CMIP: variants seen among roughly 807,000 people sequenced by gnomAD.
CMIP encodes the protein C-Maf-inducing protein.
CMIP carries 13 observed loss-of-function variants against 97.3 expected under a neutral mutation model. That is an observed-to-expected ratio of 0.13 (90% confidence interval 0.09 to 0.21). The LOEUF (loss-of-function observed/expected upper bound fraction) is 0.21, where lower values mean the gene tolerates loss of function less well. CMIP is among the 10% of genes least tolerant of loss of function. The pLI is 1.00. For synonymous variants in CMIP, 538 were observed against 436.3 expected, an observed-to-expected ratio of 1.23 and a Z score of -2.91; for missense variants, 847 against 1,024.9, an observed-to-expected ratio of 0.83 and a Z score of 2.37.
intron 1 of CMIP, among the ~76,000 whole-genome samples, chr16:81,511,796 A>G (rs2089815687): frequency 6.6e-6 from 1 of 152,174 alleles, no homozygotes; most frequent in South Asian, 2.1e-4. Context: ...TCCTGGGCTC[A>G]AGTGATCTGC....
chr16:81,566,054 A>C (rs1418734937), intron 1 of CMIP, among the ~76,000 whole-genome samples: 1 of 152,212 alleles, frequency 6.6e-6, no homozygotes, highest in Non-Finnish European at 1.5e-5. Context: ...GAAATTGGGC[A>C]GCGGGGGACC....
intron 1 of CMIP, among the ~76,000 whole-genome samples, chr16:81,554,288 G>A (rs1238481522): frequency 1.3e-5 from 2 of 152,128 alleles, no homozygotes; most frequent in African/African-American, 4.8e-5. Flanking sequence ...TCTTCAAAAG[G>A]CACTTTAACC....
At chr16:81,500,033 C>T (rs1160821317) in intron 1 of CMIP, among the ~76,000 whole-genome samples, 1 of 152,222 alleles carries the variant, frequency 6.6e-6, no homozygotes, top group Non-Finnish European at 1.5e-5. Context: ...TGATGCAGAA[C>T]ATACCCAGTC....
intron 1 of CMIP, among the ~76,000 whole-genome samples, chr16:81,568,039 G>GTGTGTGTGTGTGTGTGTT (rs10629229): frequency 3.6e-5 from 3 of 82,546 alleles, no homozygotes; most frequent in African/African-American, 1.4e-4. Flanking sequence ...GTGTGTGTGT[G>GTGTGTGTGTGTGTGTGTT]TTTTTTTTTT....
intron 15 of CMIP, 147 bp from the exon 16 acceptor site, chr16:81,701,513 G>T (rs1038245365): frequency 2.8e-6 from 3 of 1,055,696 alleles, no homozygotes; most frequent in Non-Finnish European, 4.2e-6. Context: ...AGTTGGGCAG[G>T]TGATTTGCCC....
chr16:81,516,971 G>A (rs1018341079), intron 1 of CMIP, among the ~76,000 whole-genome samples: 37 of 151,912 alleles, frequency 2.4e-4, no homozygotes, highest in African/African-American at 8.5e-4. Context: ...GGTCTTCAGT[G>A]AAAAACCAGA....
At chr16:81,483,417 G>A (rs1411796879) in intron 1 of CMIP, among the ~76,000 whole-genome samples, 1 of 152,196 alleles carries the variant, frequency 6.6e-6, no homozygotes, top group Admixed American at 6.5e-5. Context: ...TGAGTCACTA[G>A]TGGGGTCAGA....
chr16:81,559,523 C>T (rs775396241), intron 1 of CMIP, among the ~76,000 whole-genome samples: 5 of 152,144 alleles, frequency 3.3e-5, no homozygotes, highest in African/African-American at 1.2e-4. Context: ...GTGACGTGGT[C>T]GGTGTGTGAT....
chr16:81,455,845 G>C (rs978820058), intron 1 of CMIP, among the ~76,000 whole-genome samples: 5 of 152,186 alleles, frequency 3.3e-5, no homozygotes, highest in Non-Finnish European at 7.4e-5. Context: ...AGGGAGGCCT[G>C]GTGGGAAGGC....
intron 11 of CMIP, among the ~76,000 whole-genome samples, chr16:81,692,185 G>A (rs967752455): frequency 1.2e-4 from 19 of 152,192 alleles, no homozygotes; most frequent in Admixed American, 5.9e-4. Context: ...GATGGGAACC[G>A]TAATACCTGC....
chr16:81,447,175 A>G (rs1006700342), intron 1 of CMIP, among the ~76,000 whole-genome samples: 4 of 150,646 alleles, frequency 2.7e-5, no homozygotes, highest in African/African-American at 9.8e-5. Flanking sequence ...CCCTGCCTGG[A>G]TTCTGGAGAC....
chr16:81,508,024 A>G (rs967845039), intron 1 of CMIP, among the ~76,000 whole-genome samples: 4 of 152,234 alleles, frequency 2.6e-5, no homozygotes, highest in Non-Finnish European at 4.4e-5. Context: ...CTATCCACCC[A>G]TGCTTAACGG....
At chr16:81,492,560 CGGCTGGGCCTTGCTAGCAG>C (rs1413164769) in intron 1 of CMIP, among the ~76,000 whole-genome samples, 1 of 151,830 alleles carries the variant, frequency 6.6e-6, no homozygotes, top group East Asian at 1.9e-4. Flanking sequence ...GTGTGCTGGC[CGGCTGGGCCTTGCTAGCAG>C]GGCCGGGCCT....
rs796952556 is a variant in CMIP, at chr16:81,655,819, C to T, written c.640-1956C>T. Among the ~76,000 whole-genome samples, 4 of 152,268 alleles carry T rather than the reference C, an allele frequency of 2.6e-5. No homozygotes were observed. Among genetic ancestry groups the T allele is most frequent in the African/African-American group, 9.6e-5 (4 of 41,558 alleles). Reference sequence around the variant, plus strand: ...CCCCTATTACCCTGCGCCTGCTAGTCACTGCATCCCGTCAGTCTTAGGCAG... The same window carrying T: ...CCCCTATTACCCTGCGCCTGCTAGTTACTGCATCCCGTCAGTCTTAGGCAG... On this transcript the variant is annotated intron_variant, in intron 4 of 20. Transcript: ENST00000537098. The surrounding 1 kb of genome is among the most constrained non-coding windows in gnomAD (Gnocchi z 4.9).
In CMIP at chr16:81,453,545, C is replaced by G. The variant is rs548099853; in HGVS notation, c.300+8004C>G. On this transcript the variant is annotated intron_variant, in intron 1 of 20. Coordinates refer to ENST00000537098, the MANE Select transcript of CMIP (RefSeq NM_198390.3). The surrounding 1 kb of genome is among the most constrained non-coding windows in gnomAD (Gnocchi z 4.0). Reference sequence around the variant, plus strand: ...AGACCCAGGCCTGGCTCTCCTCCCTCGCATGTTGGCTCCCTGTGTGGACTA... The same window carrying G: ...AGACCCAGGCCTGGCTCTCCTCCCTGGCATGTTGGCTCCCTGTGTGGACTA... 9.2e-5 allele frequency among the ~76,000 whole-genome samples: 14 copies of G among 152,326 alleles called. No homozygotes were observed. Among genetic ancestry groups the G allele is most frequent in the African/African-American group, 3.1e-4 (13 of 41,570 alleles).
At chr16:81,548,700 G>C (rs1403746719) in intron 1 of CMIP, among the ~76,000 whole-genome samples, 1 of 151,064 alleles carries the variant, frequency 6.6e-6, no homozygotes, top group Admixed American at 6.6e-5. Context: ...AAAAAAAAAA[G>C]CCAGGCATGG....
intron 1 of CMIP, among the ~76,000 whole-genome samples, chr16:81,481,190 C>T (rs1487946880): frequency 6.6e-6 from 1 of 152,098 alleles, no homozygotes; most frequent in African/African-American, 2.4e-5. Context: ...CCGTCTGGGG[C>T]TCTTAGGAAT....
At chr16:81,573,906 A>G (rs889247956) in intron 1 of CMIP, among the ~76,000 whole-genome samples, 6 of 152,120 alleles carry the variant, frequency 3.9e-5, no homozygotes, top group Admixed American at 3.9e-4. Flanking sequence ...GTGTCTCAGA[A>G]ATAAGACATG....
chr16:81,503,224 G>A (rs1207043990), intron 1 of CMIP, among the ~76,000 whole-genome samples: 1 of 152,108 alleles, frequency 6.6e-6, no homozygotes, highest in Non-Finnish European at 1.5e-5. Context: ...CGGGATACAT[G>A]GTTACCCTGC....
Sources: gnomAD v4.1 joint callset for allele counts (sites outside exome capture counted in the v4.1 genomes callset) on GRCh38, gnomAD v4.1.1 for gene constraint, Gnocchi (gnomAD v3.1) non-coding constraint, MANE v1.5 for transcripts, NCBI Gene and HGNC (gene_info 2026-07-23, HGNC 2026-07-21) for gene names.